The following BRD7 variants were observed in gnomAD, a reference collection of about 807,000 sequenced individuals.
The protein encoded by BRD7 is bromodomain containing 7, also known as bromodomain-containing protein 7.
In BRD7, 15 loss-of-function variants were observed where a neutral mutation model predicts 82.1. The observed-to-expected ratio is 0.18, with a 90% CI of 0.12 to 0.28. The LOEUF (loss-of-function observed/expected upper bound fraction) is 0.28, where lower values mean the gene tolerates loss of function less well. BRD7 is among the 10% of genes least tolerant of loss of function. BRD7 has a pLI of 1.00. For synonymous variants in BRD7, 232 were observed against 266.9 expected (o/e 0.87, Z 1.27); for missense variants, 638 against 779.9 (o/e 0.82, Z 2.17).
At chr16:50,333,738 ATAAG>A (rs755681801) in intron 7 of BRD7, 41 bp from the exon 8 acceptor site, 13 of 1,412,016 alleles carry the variant, frequency 9.2e-6, no homozygotes, top group Middle Eastern at 2.2e-4. Flanking sequence ...AAAAACAAAG[ATAAG>A]TAAGATGAAA....
At chr16:50,321,460 G>C (rs1017430451) in intron 13 of BRD7, among the ~76,000 whole-genome samples, 5 of 151,048 alleles carry the variant, frequency 3.3e-5, no homozygotes, top group Non-Finnish European at 7.4e-5. Context: ...ACAGCTACTC[G>C]GGAGGCAGAG....
At chr16:50,326,090 A>C (rs373630852) in intron 10 of BRD7, among the ~76,000 whole-genome samples, 194 bp downstream of exon 10, 10 of 152,244 alleles carry the variant, frequency 6.6e-5, no homozygotes, top group African/African-American at 2.2e-4. Flanking sequence ...GGAACAAGAA[A>C]GAACAAAATT....
intron 2 of BRD7, among the ~76,000 whole-genome samples, chr16:50,366,454 A>G (rs2039146863): frequency 6.6e-6 from 1 of 152,256 alleles, no homozygotes; most frequent in Non-Finnish European, 1.5e-5. Flanking sequence ...AAGAATTATT[A>G]AGCAATAACC....
chr16:50,365,260 CA>C (rs2039095112), intron 2 of BRD7, among the ~76,000 whole-genome samples: 1 of 152,128 alleles, frequency 6.6e-6, no homozygotes, highest in African/African-American at 2.4e-5. Context: ...ATAAAACTGG[CA>C]AAATCCATCT....
chr16:50,339,328 T>C (rs1335101451), intron 6 of BRD7, among the ~76,000 whole-genome samples: 1 of 152,184 alleles, frequency 6.6e-6, no homozygotes, highest in East Asian at 1.9e-4. Flanking sequence ...CATCAATGAG[T>C]ACACTCACAC....
At chr16:50,319,764 A>T (rs1251954861) in intron 16 of BRD7, 123 bp downstream of exon 16, 13 of 1,259,294 alleles carry the variant, frequency 1.0e-5, no homozygotes, top group Non-Finnish European at 1.4e-5. Context: ...GCATCTACAG[A>T]TTTTGCTATC....
Position 50,368,279 on chromosome 16 carries a change from C to A in BRD7, c.69G>T (p.Leu23Phe), listed in dbSNP as rs372733954. ...HLYEEYVEKP[L>F]KLVLKVGGNE... ...TCCCTCCTACTTTGAGGACCAGCTT[C>A]AAGGGCTTCTCTACATACTCTTAAA... is the stretch of plus-strand genomic sequence containing the variant. The change falls in exon 2 of 17, where the codon TTG (leucine) becomes TTT (phenylalanine). Residue 23 changes from leucine to phenylalanine, a missense_variant. Physicochemically the swap from Leu to Phe is conservative, Grantham distance 22. This residue lies in a region of BRD7 where 172 missense variants were observed against 155.3 expected (regional missense o/e 1.11). Transcript: ENST00000394688. The A allele has an allele frequency of 6.2e-7, 1 of 1,614,178 alleles. No homozygotes were observed. The highest frequency in any genetic ancestry group is 1.3e-5 in the African/African-American group (1 of 75,046).
In BRD7 at chr16:50,325,804, A is replaced by G. The variant is rs767401736; in HGVS notation, c.1275T>C (p.Asp425=). Residue 425 remains aspartate, a synonymous_variant, in exon 11 of 17, where the codon GAT becomes GAC. Transcript: ENST00000394688. ...DSTFANISKD[D]SDLIYSTYGE... ...CATAGGTTGAATAGATTAAATCAGA[A>G]TCATCCTTGCTGATATTTGCAAATG... The G allele has an allele frequency of 2.7e-5, 43 of 1,611,952 alleles. 1 individual carries two copies. The South Asian group carries it at 4.4e-4, about 17-fold the overall frequency.
chr16:50,328,635 A>T, intron 9 of BRD7, 34 bp downstream of exon 9: 1 of 1,583,366 alleles, frequency 6.3e-7, no homozygotes, highest in Non-Finnish European at 8.6e-7. Flanking sequence ...GCCAAATAGC[A>T]TCAAGTTCAT....
chr16:50,362,402 A>C (rs1333797703), intron 2 of BRD7, among the ~76,000 whole-genome samples: 1 of 152,226 alleles, frequency 6.6e-6, no homozygotes, highest in Non-Finnish European at 1.5e-5. Context: ...CAATTTTCTC[A>C]TTAATAAAAG....
At chr16:50,337,812 GGA>G (rs2037876178) in intron 6 of BRD7, among the ~76,000 whole-genome samples, 1 of 152,060 alleles carries the variant, frequency 6.6e-6, no homozygotes, top group Non-Finnish European at 1.5e-5. Context: ...CCTGTAGGGT[GGA>G]GAGAACAGTC....
intron 2 of BRD7, among the ~76,000 whole-genome samples, chr16:50,362,518 T>C (rs1327227771): frequency 6.8e-6 from 1 of 147,032 alleles, no homozygotes; most frequent in Non-Finnish European, 1.5e-5. Flanking sequence ...CTCGCAGCAT[T>C]ATTCATAACA....
chr16:50,322,748 T>G (rs769086947), intron 12 of BRD7, among the ~76,000 whole-genome samples: 10 of 152,246 alleles, frequency 6.6e-5, no homozygotes, highest in Non-Finnish European at 1.3e-4. Context: ...GTTAGACTAT[T>G]AATTCATTCA....
intron 1 of BRD7, 85 bp downstream of exon 1, chr16:50,368,640 CG>C (rs2039250772): frequency 7.0e-7 from 1 of 1,430,352 alleles, no homozygotes; most frequent in Admixed American, 2.2e-5. Context: ...GGAAGGGCCC[CG>C]GGCCGCCCCG....
chr16:50,345,058 A>AC (rs1241728376), intron 5 of BRD7, among the ~76,000 whole-genome samples: 1 of 152,248 alleles, frequency 6.6e-6, no homozygotes, highest in African/African-American at 2.4e-5. Context: ...CATCAGACTA[A>AC]CAGCAGATCT....
intron 5 of BRD7, among the ~76,000 whole-genome samples, chr16:50,346,057 A>T (rs2038270886): frequency 6.6e-6 from 1 of 152,256 alleles, no homozygotes; most frequent in Non-Finnish European, 1.5e-5. Context: ...AACAGAAATT[A>T]TAACAAACTG....
intron 11 of BRD7, among the ~76,000 whole-genome samples, chr16:50,324,127 A>C (rs563570534): frequency 6.6e-6 from 1 of 152,280 alleles, no homozygotes; most frequent in East Asian, 1.9e-4. Flanking sequence ...TTGAAATGCT[A>C]GATCTTCCCC....
In BRD7 at chr16:50,368,715, C is replaced by G; in HGVS notation, c.49+11G>C. Reference sequence around the variant, plus strand: ...GAGGGCCCGCCGCCCGCACCCCGGCCCCCTCCTCACCCTCGTAGAGGTGTT... The same window carrying G: ...GAGGGCCCGCCGCCCGCACCCCGGCGCCCTCCTCACCCTCGTAGAGGTGTT... On this transcript the variant is annotated intron_variant, in intron 1 of 16. Transcript: ENST00000394688. 1 of 1,555,556 alleles carries G rather than the reference C, an allele frequency of 6.4e-7. No individual in the cohort carries two copies. Among genetic ancestry groups the G allele is most frequent in the Non-Finnish European group, 8.7e-7 (1 of 1,152,740 alleles).
At position 50,320,042 on chromosome 16, in the gene BRD7, A is replaced by C; in HGVS notation, c.1757-12T>G. 1 of 1,600,038 alleles carries C rather than the reference A, an allele frequency of 6.2e-7. No individual in the cohort carries two copies. The highest frequency in any genetic ancestry group is 8.5e-7 in the Non-Finnish European group (1 of 1,174,546). On this transcript the variant is annotated splice_polypyrimidine_tract_variant and intron_variant, in intron 15 of 16. Coordinates refer to ENST00000394688, the MANE Select transcript of BRD7 (RefSeq NM_013263.5). ...GGTCACTTGTTCAGCTAAAAAGAAA[A>C]ACAAAGTTCCAGATACTAAAGCATG...
Sources: gnomAD v4.1 joint callset for allele counts (sites outside exome capture counted in the v4.1 genomes callset) on GRCh38, gnomAD v4.1.1 for gene constraint, gnomAD v4.1.1 regional missense constraint, MANE v1.5 for transcripts, NCBI Gene and HGNC (gene_info 2026-07-23, HGNC 2026-07-21) for gene names.